FHIP1A: variants seen among roughly 807,000 people sequenced by gnomAD.
The protein encoded by FHIP1A is FHF complex subunit HOOK-interacting protein 1A.
FHIP1A carries 61 observed loss-of-function variants against 88.6 expected under a neutral mutation model. The ratio of observed to expected loss-of-function variants is 0.69; its 90% CI spans 0.56 to 0.85. FHIP1A has a LOEUF of 0.85. FHIP1A is among the 40% of genes least tolerant of loss of function. FHIP1A has a pLI of 0.00. For synonymous variants in FHIP1A, 478 were observed against 496.0 expected (o/e 0.96, Z 0.48); for missense variants, 1,154 against 1,273.5 (o/e 0.91, Z 1.43).
intron 2 of FHIP1A, among the ~76,000 whole-genome samples, chr4:151,465,425 C>G (rs950678918): frequency 6.6e-6 from 1 of 152,124 alleles, no homozygotes; most frequent in African/African-American, 2.4e-5. Flanking sequence ...AGATTCATAG[C>G]TGAATTCTTC....
intron 7 of FHIP1A, among the ~76,000 whole-genome samples, chr4:151,593,100 C>CT (rs747371256): frequency 4.4e-4 from 67 of 152,244 alleles, no homozygotes; most frequent in Non-Finnish European, 7.9e-4. Flanking sequence ...CCTGAGGTCT[C>CT]TGTTATGTTC....
chr4:151,609,067 G>C (rs907657767), intron 7 of FHIP1A, among the ~76,000 whole-genome samples: 3 of 152,120 alleles, frequency 2.0e-5, no homozygotes, highest in African/African-American at 7.2e-5. Context: ...CTCCTGTGTG[G>C]TGCTATTAAG....
In FHIP1A at chr4:151,656,239, C is replaced by T. The variant is rs988950295; in HGVS notation, c.2559C>T (p.Phe853=). 1.9e-6 allele frequency: 3 copies of T among 1,551,418 alleles called. No individual in the cohort carries two copies. The highest frequency in any genetic ancestry group is 2.6e-6 in the Non-Finnish European group (3 of 1,146,884). Residue 853 remains phenylalanine, a synonymous_variant, in exon 12 of 14, where the codon TTC becomes TTT. Transcript: ENST00000435205. This position sits in a 1 kb window ranked among gnomAD's most constrained non-coding sequence, Gnocchi z 4.2. ...RTQSTPFTGP[F]ISVVLSKLEN... ...CTTGTGTTCTTCCTGCAGGCCCATT[C>T]ATCAGCGTAGTCCTGTCAAAGCTGG...
At chr4:151,643,938 C>T (rs1736691569) in intron 9 of FHIP1A, among the ~76,000 whole-genome samples, 2 of 152,150 alleles carry the variant, frequency 1.3e-5, no homozygotes, top group South Asian at 2.1e-4. Context: ...TCAAGCTACC[C>T]ACTGGTGATA....
chr4:151,411,830 A>G (rs1732659846), intron 1 of FHIP1A, among the ~76,000 whole-genome samples: 1 of 152,182 alleles, frequency 6.6e-6, no homozygotes, highest in South Asian at 2.1e-4. Flanking sequence ...TTGAAACACA[A>G]TTTAGATCTA....
chr4:151,649,486 C>T lies in FHIP1A; in HGVS notation c.1445C>T (p.Ala482Val), dbSNP rs139068371. 599 of 1,550,784 alleles carry T rather than the reference C, an allele frequency of 3.9e-4. 1 individual carries two copies. In the African/African-American group the frequency reaches 6.8e-3, roughly 18 times the overall value. ...CCTGTGGAGCGGCCATTCCCCGAAG[C>T]GTTCTCCGAGTCAGCCTGCATTGTG... ...SGPVERPFPE[A>V]FSESACIVEY... The change falls in exon 11 of 14, where the codon GCG becomes GTG. Residue 482 changes from alanine to valine, a missense_variant. Coordinates refer to ENST00000435205, the MANE Select transcript of FHIP1A (RefSeq NM_001109977.3).
rs551555244 is a variant in FHIP1A at position 151,511,847 on chromosome 4, T to C, written c.-123+29199T>C. 4.6e-3 allele frequency among the ~76,000 whole-genome samples: 705 copies of C among 152,354 alleles called. 4 individuals carry two copies. The highest frequency in any genetic ancestry group is 0.016 in the African/African-American group (652 of 41,590). On this transcript the variant is annotated intron_variant, in intron 3 of 13. Coordinates refer to ENST00000435205, the MANE Select transcript of FHIP1A (RefSeq NM_001109977.3). Reference sequence around the variant, plus strand: ...CCTGCCTGCCTCTGTAGGCTCCGCCTCTGGGGGCAGGGCACAGACAAACAA... The same window carrying C: ...CCTGCCTGCCTCTGTAGGCTCCGCCCCTGGGGGCAGGGCACAGACAAACAA...
At chr4:151,652,565 T>G (rs565096522) in intron 11 of FHIP1A, among the ~76,000 whole-genome samples, 1 of 152,304 alleles carries the variant, frequency 6.6e-6, no homozygotes, top group South Asian at 2.1e-4. Context: ...GACACAACAT[T>G]AAAGGAATTC....
intron 3 of FHIP1A, among the ~76,000 whole-genome samples, chr4:151,519,413 A>G (rs1731374721): frequency 6.6e-6 from 1 of 152,118 alleles, no homozygotes. Context: ...GTTGTGTTTT[A>G]GTAGCTTTTT....
At chr4:151,456,150 C>T (rs1728960411) in intron 2 of FHIP1A, among the ~76,000 whole-genome samples, 1 of 152,116 alleles carries the variant, frequency 6.6e-6, no homozygotes, top group African/African-American at 2.4e-5. Context: ...GATTTATTGA[C>T]ATGATAAAAT....
chr4:151,656,725 T>C lies in FHIP1A; in HGVS notation c.2731-35T>C. On this transcript the variant is annotated intron_variant, in intron 12 of 13. Coordinates refer to ENST00000435205, the MANE Select transcript of FHIP1A (RefSeq NM_001109977.3). This position sits in a 1 kb window ranked among gnomAD's most constrained non-coding sequence, Gnocchi z 4.2. ...GATAACTGGGAGTGGAATTTCATGG[T>C]GAGGCATTAACATCAGTAATGCTGT... 6.5e-7 allele frequency: 1 copy of C among 1,532,934 alleles called. No individual in the cohort carries two copies. Among genetic ancestry groups the C allele is most frequent in the Non-Finnish European group, 8.8e-7 (1 of 1,135,708 alleles). 95.0% of individuals were successfully genotyped at this position (1,532,934 alleles called of 1,614,324 possible).
rs925971115 is a variant in FHIP1A, at chr4:151,505,930, A to T, written c.-123+23282A>T. On this transcript the variant is annotated intron_variant, in intron 3 of 13. Transcript: ENST00000435205. Reference sequence around the variant, plus strand: ...ATATTGTGGGAAATTGGATAAAGGAATTTTTTTCTTGAGATAGGGTCTTGC... The same window carrying T: ...ATATTGTGGGAAATTGGATAAAGGATTTTTTTTCTTGAGATAGGGTCTTGC... Among the ~76,000 whole-genome samples the T allele has an allele frequency of 1.6e-4, 25 of 152,158 alleles. No individual in the cohort carries two copies. In the East Asian group the frequency reaches 3.3e-3, roughly 20 times the overall value.
chr4:151,470,525 G>A (rs1729471947), intron 2 of FHIP1A, among the ~76,000 whole-genome samples: 1 of 152,126 alleles, frequency 6.6e-6, no homozygotes, highest in African/African-American at 2.4e-5. Flanking sequence ...AGTGTGGGTG[G>A]TTTTTCTTTC....
At chr4:151,518,978 T>C (rs1190459097) in intron 3 of FHIP1A, among the ~76,000 whole-genome samples, 1 of 152,136 alleles carries the variant, frequency 6.6e-6, no homozygotes, top group Non-Finnish European at 1.5e-5. Context: ...TAGCTGCATC[T>C]TAATTTTTTG....
At chr4:151,571,051 A>G (rs1321127506) in intron 4 of FHIP1A, among the ~76,000 whole-genome samples, 2 of 152,198 alleles carry the variant, frequency 1.3e-5, no homozygotes, top group Non-Finnish European at 1.5e-5. Context: ...CCACCAGGCA[A>G]TAAACTATTC....
At chr4:151,493,770 A>G (rs1313929985) in intron 3 of FHIP1A, among the ~76,000 whole-genome samples, 3 of 152,230 alleles carry the variant, frequency 2.0e-5, no homozygotes, top group African/African-American at 4.8e-5. Flanking sequence ...ACAAAATCCA[A>G]CATTGCTTTA....
At chr4:151,453,978 A>G (rs565315843) in intron 1 of FHIP1A, among the ~76,000 whole-genome samples, 16 of 152,276 alleles carry the variant, frequency 1.1e-4, no homozygotes, top group African/African-American at 3.9e-4. Flanking sequence ...ATATTTAGCC[A>G]CTTCCTTATG....
chr4:151,541,946 G>T (rs576021456), intron 3 of FHIP1A, among the ~76,000 whole-genome samples: 1 of 152,282 alleles, frequency 6.6e-6, no homozygotes. Flanking sequence ...GTAAAAAGGG[G>T]TCCCTGGAGA....
intron 8 of FHIP1A, among the ~76,000 whole-genome samples, chr4:151,633,689 A>G (rs1489747486): frequency 6.6e-6 from 1 of 152,018 alleles, no homozygotes; most frequent in African/African-American, 2.4e-5. Context: ...CATTAACAGA[A>G]TGAAGGACAA....
Sources: allele counts gnomAD v4.1 joint callset (sites outside exome capture counted in the v4.1 genomes callset), GRCh38; gene constraint gnomAD v4.1.1; non-coding constraint Gnocchi (gnomAD v3.1); transcripts MANE v1.5; gene names NCBI Gene and HGNC (gene_info 2026-07-23, HGNC 2026-07-21).